Variants in PKD1L3 observed in about 807,000 individuals in gnomAD.
PKD1L3 encodes polycystin-1-like protein 3.
In PKD1L3, 239 loss-of-function variants were observed where a neutral mutation model predicts 184.1. That is an observed-to-expected ratio of 1.30 (90% CI 1.17 to 1.45). The LOEUF is 1.45. Ranked by LOEUF, PKD1L3 falls within the 40% of genes most tolerant of loss-of-function variation. PKD1L3 has a pLI of 0.00. For synonymous variants in PKD1L3, 996 were observed against 778.8 expected, an observed-to-expected ratio of 1.28 and a Z score of -4.64; for missense variants, 2,660 against 2,067.2, an observed-to-expected ratio of 1.29 and a Z score of -5.56.
intron 16 of PKD1L3, among the ~76,000 whole-genome samples, chr16:71,959,036 A>G (rs2039165248): frequency 7.2e-6 from 1 of 138,838 alleles, no homozygotes; most frequent in African/African-American, 2.7e-5. Context: ...GTAAGCTGAG[A>G]TTGCACCACT....
rs1271570197 is a variant in PKD1L3 at position 71,930,199 on chromosome 16, G to A, written c.4927-16C>T. On this transcript the variant is annotated splice_polypyrimidine_tract_variant and intron_variant, in intron 28 of 29. Coordinates refer to ENST00000620267, the MANE Select transcript of PKD1L3 (RefSeq NM_181536.2). ...AAGCGAAAACCTGGGAAAACAATAA[G>A]AACACTTGCAGTGACTGACAATTTA... The A allele has an allele frequency of 6.5e-7, 1 of 1,536,962 alleles. No homozygotes were observed. The highest frequency in any genetic ancestry group is 8.8e-7 in the Non-Finnish European group (1 of 1,140,992).
chr16:71,943,897 C>T (rs1450845925), intron 23 of PKD1L3, 133 bp downstream of exon 23: 16 of 1,125,752 alleles, frequency 1.4e-5, no homozygotes, highest in Non-Finnish European at 1.7e-5. Flanking sequence ...TACTGGAATC[C>T]CAAATCTCAC....
chr16:71,998,158 C>T (rs2040856128), intron 2 of PKD1L3, 114 bp downstream of exon 2: 1 of 1,375,118 alleles, frequency 7.3e-7, no homozygotes, highest in Non-Finnish European at 9.9e-7. Flanking sequence ...AGCCCTGTAT[C>T]ATCCCATGGT....
chr16:71,966,064 C>G (rs1178235464), intron 15 of PKD1L3, among the ~76,000 whole-genome samples: 6 of 151,950 alleles, frequency 3.9e-5, no homozygotes, highest in African/African-American at 1.4e-4. Context: ...CTCTACCAGC[C>G]CAGTGGCTGG....
intron 10 of PKD1L3, 29 bp downstream of exon 10, chr16:71,978,226 T>G: frequency 6.5e-7 from 1 of 1,539,976 alleles, no homozygotes. Flanking sequence ...CATTCTCTTC[T>G]ATTTTATTCC....
At chr16:71,992,678 A>G (rs1310058890) in intron 3 of PKD1L3, among the ~76,000 whole-genome samples, 7 of 152,310 alleles carry the variant, frequency 4.6e-5, no homozygotes, top group Non-Finnish European at 7.4e-5. Context: ...AAAACCTTCT[A>G]TATTGCTAAG....
chr16:71,950,275 G>C lies in PKD1L3; in HGVS notation c.3226C>G (p.Leu1076Val). ...PENHHHFCCY[L>V]HRVLQRLKSH... ...TTCAGCCTCTGCAGAACTCTATGCA[G>C]GTAACAGCAGAAATGATGGTGGTTT... Residue 1076 changes from leucine to valine, a missense_variant, in exon 20 of 30, where the codon CTG (leucine) becomes GTG (valine). Physicochemically the swap from Leu to Val is conservative, Grantham distance 32. Transcript: ENST00000620267. The C allele has an allele frequency of 6.5e-7, 1 of 1,541,932 alleles. No homozygotes were observed. Among genetic ancestry groups the C allele is most frequent in the South Asian group, 1.2e-5 (1 of 83,414 alleles).
chr16:71,986,889 G>C (rs1159465391), intron 4 of PKD1L3, among the ~76,000 whole-genome samples: 2 of 150,504 alleles, frequency 1.3e-5, no homozygotes, highest in Non-Finnish European at 2.9e-5. Flanking sequence ...GGATGTCATG[G>C]AGGATGTTCA....
At chr16:71,997,883 T>C (rs961052967) in intron 2 of PKD1L3, among the ~76,000 whole-genome samples, 10 of 152,232 alleles carry the variant, frequency 6.6e-5, no homozygotes, top group Non-Finnish European at 1.5e-4. Context: ...AACAGCCCTC[T>C]CACCGTTCGA....
intron 25 of PKD1L3, among the ~76,000 whole-genome samples, chr16:71,936,915 G>A (rs1182623460): frequency 6.6e-6 from 1 of 152,112 alleles, no homozygotes; most frequent in East Asian, 1.9e-4. Flanking sequence ...AATCTATTTG[G>A]TGGAAAACCA....
intron 2 of PKD1L3, among the ~76,000 whole-genome samples, chr16:71,997,422 C>G (rs76886099): frequency 0.36 from 54,207 of 149,750 alleles, 10,486 homozygotes; most frequent in East Asian, 0.72. Flanking sequence ...CCCCCCCCCC[C>G]ACAACCACTC....
intron 7 of PKD1L3, 92 bp downstream of exon 7, chr16:71,981,967 T>C: frequency 7.7e-7 from 1 of 1,292,204 alleles, no homozygotes; most frequent in Non-Finnish European, 1.0e-6. Flanking sequence ...CAAGATTATC[T>C]TTAAAGGTCT....
In PKD1L3 at chr16:71,967,192, C is replaced by T. The variant is rs1442602149; in HGVS notation, c.2410G>A (p.Gly804Arg). 1 of 1,551,702 alleles carries T rather than the reference C, an allele frequency of 6.4e-7. No homozygotes were observed. The highest frequency in any genetic ancestry group is 8.7e-7 in the Non-Finnish European group (1 of 1,146,966). ...CAGAGCCGAAGGCTGTGCAGGTTCC[C>T]TAGAGAGGTCCAAGTGGTGAGAAGG... Reference protein sequence around the residue: ...VFLLTTWTSLGNLHSLRLWHD... With the variant: ...VFLLTTWTSLRNLHSLRLWHD... The change falls in exon 15 of 30, where the codon GGG becomes AGG. Residue 804 changes from glycine (G) to arginine (R), a missense_variant. Transcript: ENST00000620267.
Position 71,963,256 on chromosome 16 carries a change from T to G in PKD1L3, c.2561A>C (p.Glu854Ala), listed in dbSNP as rs1567518856. 2 of 1,551,248 alleles carry G rather than the reference T, an allele frequency of 1.3e-6. No homozygotes were observed. The highest frequency in any genetic ancestry group is 2.7e-5 in the African/African-American group (2 of 73,020). Residue 854 changes from glutamate to alanine, a missense_variant, in exon 16 of 30, where the codon GAG (glutamate) becomes GCG (alanine). Physicochemically the swap from Glu to Ala is moderately radical, Grantham distance 107. Transcript: ENST00000620267. The stretch of plus-strand genomic sequence containing the variant: ...AACTGGGATGAAGACCCGGTCAAGC[T>G]CACAGTCTCCGAGGTCCACAGCCAG... ...CWLAVDLGDC[E>A]LDRVFIPVSK...
intron 14 of PKD1L3, among the ~76,000 whole-genome samples, 168 bp from the exon 15 acceptor site, chr16:71,967,483 G>T (rs1048570972): frequency 6.6e-6 from 1 of 152,060 alleles, no homozygotes; most frequent in African/African-American, 2.4e-5. Context: ...TATTTTTTCT[G>T]ACATGAAGTC....
intron 16 of PKD1L3, among the ~76,000 whole-genome samples, chr16:71,960,200 T>C (rs1248595781): frequency 6.8e-6 from 1 of 147,598 alleles, no homozygotes; most frequent in Non-Finnish European, 1.5e-5. Flanking sequence ...CTACAAAACC[T>C]GTCAATTTGA....
In PKD1L3 at chr16:71,997,309, G is replaced by A. The variant is rs1162430545; in HGVS notation, c.418+963C>T. On this transcript the variant is annotated intron_variant, in intron 2 of 29. Transcript: ENST00000620267. ...TTTTTTTTAAGAAATCACCAAGGCC[G>A]GGCACGGTGGCTCATTCCTGTAATC... is the stretch of plus-strand genomic sequence containing the variant. 4.6e-5 allele frequency among the ~76,000 whole-genome samples: 7 copies of A among 151,798 alleles called. 1 individual carries two copies. In the South Asian group the frequency reaches 1.0e-3, roughly 23 times the overall value.
At position 71,933,928 on chromosome 16, in the gene PKD1L3, C is replaced by G. The variant is rs958875897; in HGVS notation, c.4811G>C (p.Gly1604Ala). ...FLLIILILLT[G>A]YAIAFNLLFG... is the part of the protein sequence containing the mutation. ...GTGGGGGCTTACGGCAATGGCATAG[C>G]CTGTCAGCAGGATTAGGATGATCAG... Residue 1604 changes from glycine to alanine, a missense_variant, in exon 27 of 30, where the codon GGC (glycine) becomes GCC (alanine). Gly to Ala is a moderately conservative substitution (Grantham distance 60, BLOSUM62 0). Transcript: ENST00000620267. 1 of 1,551,218 alleles carries G rather than the reference C, an allele frequency of 6.4e-7. No homozygotes were observed. The highest frequency in any genetic ancestry group is 8.7e-7 in the Non-Finnish European group (1 of 1,146,816).
chr16:71,999,078 T>C (rs1397041767), intron 1 of PKD1L3, among the ~76,000 whole-genome samples: 2 of 151,960 alleles, frequency 1.3e-5, no homozygotes, highest in African/African-American at 4.8e-5. Flanking sequence ...AAGACCATCC[T>C]GGCTAACACA....
Sources: gnomAD v4.1 joint callset for allele counts (sites outside exome capture counted in the v4.1 genomes callset) on GRCh38, gnomAD v4.1.1 for gene constraint, MANE v1.5 for transcripts, NCBI Gene and HGNC (gene_info 2026-07-23, HGNC 2026-07-21) for gene names.